SLC25A37: variants seen among roughly 807,000 people sequenced by gnomAD.
SLC25A37 encodes the protein solute carrier family 25 member 37, also known as mitoferrin-1.
Under a neutral mutation model 31.0 loss-of-function variants are expected in SLC25A37, and 17 were observed. The ratio of observed to expected loss-of-function variants is 0.55; its 90% CI spans 0.38 to 0.82. The LOEUF (loss-of-function observed/expected upper bound fraction) is 0.82. SLC25A37 is among the 40% of genes least tolerant of loss of function. The pLI is 0.00. For missense variants in SLC25A37, 404 were observed against 465.8 expected (o/e 0.87, Z 1.22); for synonymous variants, 222 against 193.0 (o/e 1.15, Z -1.24).
chr8:23,557,733 G>T (rs1403543983), intron 1 of SLC25A37, among the ~76,000 whole-genome samples: 1 of 152,168 alleles, frequency 6.6e-6, no homozygotes, highest in Non-Finnish European at 1.5e-5. Context: ...ACAGGGAGGG[G>T]GCTGGGCTTG....
chr8:23,559,424 C>A (rs1008244737), intron 1 of SLC25A37, among the ~76,000 whole-genome samples: 9 of 152,100 alleles, frequency 5.9e-5, no homozygotes, highest in African/African-American at 2.2e-4. Flanking sequence ...CTGATTCATT[C>A]ATTTCCTTTT....
chr8:23,548,197 T>G (rs1484182124), intron 1 of SLC25A37, among the ~76,000 whole-genome samples: 1 of 152,224 alleles, frequency 6.6e-6, no homozygotes, highest in Middle Eastern at 3.2e-3. Flanking sequence ...TTCTTTTTTT[T>G]GAGATGGAGT....
At position 23,565,914 on chromosome 8, in the gene SLC25A37, C is replaced by T. The variant is rs114020252; in HGVS notation, c.211-194C>T. Among the ~76,000 whole-genome samples, 388 of 152,316 alleles carry T rather than the reference C, an allele frequency of 2.5e-3. 2 individuals are homozygous for T. The highest frequency in any genetic ancestry group is 8.9e-3 in the African/African-American group (370 of 41,554). On this transcript the variant is annotated intron_variant, in intron 1 of 3. Transcript: ENST00000519973. ...CCTTTATGGAGCATAATGAAATGTA[C>T]GTGCACACATTCATGTAGATTTCAT...
intron 1 of SLC25A37, among the ~76,000 whole-genome samples, chr8:23,539,541 GA>G (rs769894767): frequency 2.6e-5 from 4 of 152,212 alleles, no homozygotes; most frequent in Non-Finnish European, 4.4e-5. Flanking sequence ...TGAGGCCCTA[GA>G]AAGGTCACCA....
chr8:23,553,294 C>T (rs1403814401), intron 1 of SLC25A37, among the ~76,000 whole-genome samples: 1 of 152,040 alleles, frequency 6.6e-6, no homozygotes, highest in African/African-American at 2.4e-5. Context: ...TGGTAGCATG[C>T]GCCTGTAATC....
chr8:23,571,187 GC>G, intron 3 of SLC25A37, 147 bp from the exon 4 acceptor site: 1 of 939,366 alleles, frequency 1.1e-6, no homozygotes, highest in East Asian at 2.7e-5. Flanking sequence ...TCAGACTAGG[GC>G]TGTGTGTGCT....
chr8:23,546,551 ATAGTG>A (rs1280509932), intron 1 of SLC25A37, among the ~76,000 whole-genome samples: 431 of 13,802 alleles, frequency 0.031, 11 homozygotes, highest in Middle Eastern at 0.12. Context: ...ATATATATAT[ATAGTG>A]TATATATATA....
intron 1 of SLC25A37, among the ~76,000 whole-genome samples, chr8:23,548,822 C>T (rs1430575710): frequency 3.3e-5 from 5 of 152,134 alleles, no homozygotes; most frequent in Non-Finnish European, 5.9e-5. Context: ...AAGGGTAAAA[C>T]ACTCTCTCTC....
chr8:23,566,481 C>A (rs1439188869), intron 2 of SLC25A37, 145 bp downstream of exon 2: 1 of 1,440,284 alleles, frequency 6.9e-7, no homozygotes. Context: ...GTGCAATGCA[C>A]ACCCAGACAC....
chr8:23,531,218 G>T (rs993858185), intron 1 of SLC25A37, among the ~76,000 whole-genome samples: 1 of 152,228 alleles, frequency 6.6e-6, no homozygotes, highest in African/African-American at 2.4e-5. Context: ...GCCAACATCA[G>T]CACAGTTGTC....
At chr8:23,531,443 G>A (rs543887996) in intron 1 of SLC25A37, among the ~76,000 whole-genome samples, 2 of 152,286 alleles carry the variant, frequency 1.3e-5, no homozygotes, top group African/African-American at 4.8e-5. Flanking sequence ...GGGGACAGTG[G>A]ACCTGCTCAG....
At chr8:23,552,031 T>C (rs1315472166) in intron 1 of SLC25A37, among the ~76,000 whole-genome samples, 2 of 152,152 alleles carry the variant, frequency 1.3e-5, no homozygotes, top group African/African-American at 4.8e-5. Context: ...TGTAGTCCGA[T>C]GGGAGGGATT....
In SLC25A37 at chr8:23,548,832, C is replaced by T. The variant is rs78630289; in HGVS notation, c.211-17276C>T. On this transcript the variant is annotated intron_variant, in intron 1 of 3. Coordinates refer to ENST00000519973, the MANE Select transcript of SLC25A37 (RefSeq NM_016612.4). ...GCATTAAGGGTAAAACACTCTCTCTCTGCTCTGTCTGGTGTTCAGGGCCCA... is the reference window on the plus strand; with the variant it reads ...GCATTAAGGGTAAAACACTCTCTCTTTGCTCTGTCTGGTGTTCAGGGCCCA... 3.3e-3 allele frequency among the ~76,000 whole-genome samples: 501 copies of T among 152,296 alleles called. 3 individuals are homozygous for T. Among genetic ancestry groups the T allele is most frequent in the African/African-American group, 0.012 (478 of 41,564 alleles).
intron 1 of SLC25A37, among the ~76,000 whole-genome samples, chr8:23,557,975 G>T (rs953467207): frequency 2.6e-5 from 4 of 152,104 alleles, no homozygotes; most frequent in Non-Finnish European, 5.9e-5. Context: ...TCAGCCCTGG[G>T]CCCCCCTGGA....
chr8:23,571,639 C>T lies in SLC25A37; in HGVS notation c.801C>T (p.Asn267=), dbSNP rs375896705. ...VCKTLLNTQE[N]VALSLANISG... Reference sequence around the variant, plus strand: ...AGACCCTTCTGAACACTCAGGAGAACGTGGCCCTCTCGCTGGCCAACATCA... The same window carrying T: ...AGACCCTTCTGAACACTCAGGAGAATGTGGCCCTCTCGCTGGCCAACATCA... The change falls in exon 4 of 4, where the codon AAC becomes AAT. Residue 267 remains asparagine (N), a synonymous_variant. Coordinates refer to ENST00000519973, the MANE Select transcript of SLC25A37 (RefSeq NM_016612.4). The T allele has an allele frequency of 6.2e-7, 1 of 1,613,910 alleles. No individual in the cohort carries two copies. The highest frequency in any genetic ancestry group is 8.5e-7 in the Non-Finnish European group (1 of 1,179,864).
Position 23,571,552 on chromosome 8 carries a change from C to A in SLC25A37, c.714C>A (p.Ile238=), listed in dbSNP as rs766994831. Residue 238 remains isoleucine (I), a synonymous_variant, in exon 4 of 4, where the codon ATC becomes ATA. Transcript: ENST00000519973. Reference sequence around the variant, plus strand: ...GGACCTACAACCCGCAGTCCCACATCATCTCAGGCGGGCTGGCCGGGGCCC... The same window carrying A: ...GGACCTACAACCCGCAGTCCCACATAATCTCAGGCGGGCTGGCCGGGGCCC... ...PHRTYNPQSH[I]ISGGLAGALA... 60 of 1,613,808 alleles carry A rather than the reference C, an allele frequency of 3.7e-5. No individual in the cohort carries two copies. Among genetic ancestry groups the A allele is most frequent in the Non-Finnish European group, 4.7e-5 (56 of 1,179,862 alleles).
rs1043192142 is a variant in SLC25A37 at position 23,566,023 on chromosome 8, C to T, written c.211-85C>T. On this transcript the variant is annotated intron_variant, in intron 1 of 3. Coordinates refer to ENST00000519973, the MANE Select transcript of SLC25A37 (RefSeq NM_016612.4). The stretch of plus-strand genomic sequence containing the variant: ...TGAAACTATGACATTGTTTTTCTCT[C>T]TCTCCTTCTCCAGGTCTTATTTTCC... 26 of 1,464,342 alleles carry T rather than the reference C, an allele frequency of 1.8e-5. No homozygotes were observed. The Admixed American group carries it at 1.9e-4, about 11-fold the overall frequency. The allele number at this position is 1,464,342 out of a possible 1,614,324, so 90.7% of individuals were successfully genotyped here. A position where few individuals can be genotyped will look rare whatever the true frequency, so the allele number is the denominator to read the frequency against.
Position 23,529,238 on chromosome 8 carries a change from C to A in SLC25A37, c.210+26C>A. On this transcript the variant is annotated intron_variant, in intron 1 of 3. Transcript: ENST00000519973. The surrounding 1 kb of genome is among the most constrained non-coding windows in gnomAD (Gnocchi z 4.1). ...GTGAGGCGCGGGGAGACTTCGGGGA[C>A]GCAACGAGCGGAGAAGGAGCGCGCG... The A allele has an allele frequency of 1.3e-6, 2 of 1,591,826 alleles. No individual in the cohort carries two copies. Among genetic ancestry groups the A allele is most frequent in the Admixed American group, 1.7e-5 (1 of 57,614 alleles).
chr8:23,538,040 C>A (rs1361657166), intron 1 of SLC25A37, among the ~76,000 whole-genome samples: 1 of 148,412 alleles, frequency 6.7e-6, no homozygotes, highest in Non-Finnish European at 1.5e-5. Flanking sequence ...AAGGAAGGCA[C>A]GGCTTTTTAA....
Sources: allele counts gnomAD v4.1 joint callset (sites outside exome capture counted in the v4.1 genomes callset), GRCh38; gene constraint gnomAD v4.1.1; non-coding constraint Gnocchi (gnomAD v3.1); transcripts MANE v1.5; gene names NCBI Gene and HGNC (gene_info 2026-07-23, HGNC 2026-07-21).